Variants in NR3C2 observed in about 807,000 individuals in gnomAD.
NR3C2 encodes mineralocorticoid receptor.
In NR3C2, 15 loss-of-function variants were observed where a neutral mutation model predicts 86.4. The observed-to-expected ratio is 0.17, with a 90% CI of 0.12 to 0.27. The LOEUF is 0.27. Ranked by LOEUF, NR3C2 falls within the 10% of genes least tolerant of loss-of-function variation. The pLI is 1.00. For synonymous variants in NR3C2, 458 were observed against 450.5 expected, an observed-to-expected ratio of 1.02 and a Z score of -0.21; for missense variants, 960 against 1,195.6, an observed-to-expected ratio of 0.80 and a Z score of 2.91.
At chr4:148,173,244 C>T (rs1735217387) in intron 4 of NR3C2, among the ~76,000 whole-genome samples, 1 of 152,194 alleles carries the variant, frequency 6.6e-6, no homozygotes, top group Non-Finnish European at 1.5e-5. Context: ...AAGACTTCAC[C>T]TCCCAATCCC....
intron 2 of NR3C2, among the ~76,000 whole-genome samples, chr4:148,384,022 T>C (rs1747139247): frequency 6.8e-6 from 1 of 147,000 alleles, no homozygotes; most frequent in African/African-American, 2.5e-5. Flanking sequence ...TTTAGTAAAA[T>C]AATTGGGTTT....
At chr4:148,412,105 C>T (rs1212873494) in intron 2 of NR3C2, among the ~76,000 whole-genome samples, 1 of 152,168 alleles carries the variant, frequency 6.6e-6, no homozygotes, top group East Asian at 1.9e-4. Context: ...GCAGGGTTAT[C>T]ACACCTGTCT....
At chr4:148,356,720 G>A (rs75737081) in intron 2 of NR3C2, among the ~76,000 whole-genome samples, 2 of 152,196 alleles carry the variant, frequency 1.3e-5, no homozygotes, top group African/African-American at 4.8e-5. Flanking sequence ...AGTAGCCTAT[G>A]TATGTGTGTG....
intron 2 of NR3C2, among the ~76,000 whole-genome samples, chr4:148,421,211 A>G (rs1020535498): frequency 5.9e-5 from 9 of 152,200 alleles, no homozygotes; most frequent in Admixed American, 2.0e-4. Context: ...AATTTGCCAT[A>G]TTCACCATTA....
rs573713587 is a variant in NR3C2, at chr4:148,314,151, G to T, written c.1758-54034C>A. On this transcript the variant is annotated intron_variant, in intron 2 of 8. Coordinates refer to ENST00000358102, the MANE Select transcript of NR3C2 (RefSeq NM_000901.5). Reference sequence around the variant, plus strand: ...ACAAAAGGACTATATTGGGGGGAAAGATCTTCAAAAGCTATATGATCGCAT... The same window carrying T: ...ACAAAAGGACTATATTGGGGGGAAATATCTTCAAAAGCTATATGATCGCAT... 1.2e-4 allele frequency among the ~76,000 whole-genome samples: 18 copies of T among 152,256 alleles called. No individual in the cohort carries two copies. The East Asian group carries it at 3.5e-3, about 29-fold the overall frequency.
chr4:148,388,697 G>A (rs1034778709), intron 2 of NR3C2, among the ~76,000 whole-genome samples: 4 of 152,154 alleles, frequency 2.6e-5, no homozygotes, highest in African/African-American at 4.8e-5. Context: ...TCTTAAAATT[G>A]TTTATCACTT....
intron 2 of NR3C2, among the ~76,000 whole-genome samples, chr4:148,315,060 A>G (rs1743098710): frequency 6.6e-6 from 1 of 152,212 alleles, no homozygotes; most frequent in South Asian, 2.1e-4. Context: ...CAAAGATGTT[A>G]TAATAGTTCA....
intron 2 of NR3C2, among the ~76,000 whole-genome samples, chr4:148,349,391 A>G (rs2149990708): frequency 6.6e-6 from 1 of 152,104 alleles, no homozygotes; most frequent in East Asian, 1.9e-4. Context: ...GTCTGAAATG[A>G]AGCACTTCTC....
chr4:148,352,373 C>CATCTATCTATCTATCT (rs3045288), intron 2 of NR3C2, among the ~76,000 whole-genome samples: 66 of 146,322 alleles, frequency 4.5e-4, no homozygotes, highest in Non-Finnish European at 5.6e-4. Context: ...CAACTCCTAT[C>CATCTATCTATCTATCT]ATCTATCTAT....
chr4:148,115,424 G>A (rs1035418304), intron 7 of NR3C2, among the ~76,000 whole-genome samples: 1 of 152,138 alleles, frequency 6.6e-6, no homozygotes, highest in Admixed American at 6.6e-5. Flanking sequence ...TTATTTCTAG[G>A]TGATAAAGAC....
rs1429511176 is a variant in NR3C2, at chr4:148,129,877, T to TA, written c.2511-9590_2511-9589insT. Among the ~76,000 whole-genome samples the TA allele has an allele frequency of 2.0e-5, 3 of 152,152 alleles. No homozygotes were observed. The East Asian group carries it at 5.8e-4, about 29-fold the overall frequency. On this transcript the variant is annotated intron_variant, in intron 6 of 8. Transcript: ENST00000358102. Reference sequence around the variant, plus strand: ...CCTCCCAAAGTGCTGAGATTACAAGTGTAAGCCACCGCACCCAGCCTATAC... The same window carrying TA: ...CCTCCCAAAGTGCTGAGATTACAAGTAGTAAGCCACCGCACCCAGCCTATAC...
intron 2 of NR3C2, among the ~76,000 whole-genome samples, chr4:148,345,022 T>G (rs1437786424): frequency 1.3e-5 from 2 of 152,162 alleles, no homozygotes; most frequent in Non-Finnish European, 2.9e-5. Context: ...ATGAAGGATT[T>G]CTTTTTAACT....
intron 2 of NR3C2, among the ~76,000 whole-genome samples, chr4:148,400,778 C>CAAAA (rs34623514): frequency 8.3e-5 from 7 of 84,412 alleles, no homozygotes; most frequent in Middle Eastern, 6.8e-3. Context: ...GACTCCGTCT[C>CAAAA]AAAAAAAAAA....
chr4:148,167,221 C>CA, intron 4 of NR3C2, among the ~76,000 whole-genome samples: 1 of 152,330 alleles, frequency 6.6e-6, no homozygotes, highest in Middle Eastern at 3.4e-3. Context: ...CCATGGCTGT[C>CA]ACTCCAGTGA....
chr4:148,311,673 A>C (rs1388918162), intron 2 of NR3C2, among the ~76,000 whole-genome samples: 2 of 152,230 alleles, frequency 1.3e-5, no homozygotes, highest in African/African-American at 2.4e-5. Flanking sequence ...TTTGCTCAAA[A>C]GTTTCCAACT....
At chr4:148,387,098 G>A (rs1412152651) in intron 2 of NR3C2, among the ~76,000 whole-genome samples, 2 of 152,166 alleles carry the variant, frequency 1.3e-5, no homozygotes, top group Non-Finnish European at 2.9e-5. Flanking sequence ...TGATATAAAC[G>A]GAAGTTACCA....
At chr4:148,084,247 A>G (rs1730708132) in intron 8 of NR3C2, among the ~76,000 whole-genome samples, 1 of 149,752 alleles carries the variant, frequency 6.7e-6, no homozygotes, top group Non-Finnish European at 1.5e-5. Context: ...TGAAGGAAAA[A>G]TGTTAAGGGG....
intron 2 of NR3C2, among the ~76,000 whole-genome samples, chr4:148,367,793 TA>T (rs1333511518): frequency 3.3e-4 from 43 of 131,472 alleles, no homozygotes; most frequent in East Asian, 2.6e-3. Context: ...AAATCCAATT[TA>T]AAAAAAAAAA....
rs550602809 is a variant in NR3C2 at position 148,253,492 on chromosome 4, T to C, written c.1897+6486A>G. The stretch of plus-strand genomic sequence containing the variant: ...GCATGCACTCAATGTTCTAGACTTA[T>C]GTTCTTTAAGGTTCTAACGTTGGCC... On this transcript the variant is annotated intron_variant, in intron 3 of 8. Coordinates refer to ENST00000358102, the MANE Select transcript of NR3C2 (RefSeq NM_000901.5). Among the ~76,000 whole-genome samples the C allele has an allele frequency of 3.9e-5, 6 of 152,360 alleles. No homozygotes were observed. In the East Asian group the frequency reaches 5.8e-4, roughly 15 times the overall value.
Sources: gnomAD v4.1 joint callset for allele counts (sites outside exome capture counted in the v4.1 genomes callset) on GRCh38, gnomAD v4.1.1 for gene constraint, MANE v1.5 for transcripts, NCBI Gene and HGNC (gene_info 2026-07-23, HGNC 2026-07-21) for gene names.